YWHAG: variants seen among roughly 807,000 people sequenced by gnomAD.
YWHAG encodes 14-3-3 protein gamma.
In YWHAG, 1 loss-of-function variant was observed where a neutral mutation model predicts 23.3. That is an observed-to-expected ratio of 0.04 (90% CI 0.02 to 0.20). YWHAG has a LOEUF of 0.20. YWHAG is among the 10% of genes least tolerant of loss of function. YWHAG has a pLI of 1.00. For synonymous variants in YWHAG, 160 were observed against 144.0 expected (o/e 1.11, Z -0.80); for missense variants, 151 against 338.6 (o/e 0.45, Z 4.35).
Position 76,332,077 on chromosome 7 carries a change from C to T in YWHAG, c.88-1844G>A, listed in dbSNP as rs180907502. The stretch of plus-strand genomic sequence containing the variant: ...TTGTTAAAGTTAACATTTTCCTAGA[C>T]ATTACTGATGCTCTGTTTTAATGCT... On this transcript the variant is annotated intron_variant, in intron 1 of 1. Transcript: ENST00000307630. Among the ~76,000 whole-genome samples, 74 of 152,268 alleles carry T rather than the reference C, an allele frequency of 4.9e-4. No homozygotes were observed. In the East Asian group the frequency reaches 0.013, roughly 27 times the overall value.
At chr7:76,358,674 C>A in intron 1 of YWHAG, 48 bp downstream of exon 1, 1 of 1,521,402 alleles carries the variant, frequency 6.6e-7, no homozygotes, top group Non-Finnish European at 8.9e-7. Context: ...CCAAGGACCG[C>A]GTCTTCGGAG....
chr7:76,330,039 C>T lies in YWHAG; in HGVS notation c.282G>A (p.Glu94=). ...AYREKIEKEL[E]AVCQDVLSLL... is the part of the protein sequence containing the mutation. ...GGCTCAGCACATCCTGGCACACAGC[C>T]TCCAACTCCTTCTCTATCTTCTCCC... Residue 94 remains glutamate (E), a synonymous_variant, in exon 2 of 2, where the codon GAG becomes GAA. Transcript: ENST00000307630. 1 of 1,614,194 alleles carries T rather than the reference C, an allele frequency of 6.2e-7. No homozygotes were observed. Among genetic ancestry groups the T allele is most frequent in the Non-Finnish European group, 8.5e-7 (1 of 1,180,036 alleles).
chr7:76,353,788 G>T (rs962752468), intron 1 of YWHAG, among the ~76,000 whole-genome samples: 1 of 152,046 alleles, frequency 6.6e-6, no homozygotes, highest in Non-Finnish European at 1.5e-5. Flanking sequence ...TATAGACCGG[G>T]CTGGGTGTGG....
intron 1 of YWHAG, among the ~76,000 whole-genome samples, chr7:76,340,682 T>C (rs1311924166): frequency 6.6e-6 from 1 of 152,206 alleles, no homozygotes; most frequent in Admixed American, 6.5e-5. Context: ...CAGTAGTTCT[T>C]AACCAAGGAG....
At chr7:76,345,185 C>CA (rs1554617793) in intron 1 of YWHAG, among the ~76,000 whole-genome samples, 4 of 132,272 alleles carry the variant, frequency 3.0e-5, no homozygotes, top group African/African-American at 1.1e-4. Flanking sequence ...TATCCTAAGG[C>CA]TTTTTTTTTT....
At position 76,331,114 on chromosome 7, in the gene YWHAG, C is replaced by CATT. The variant is rs909921343; in HGVS notation, c.88-884_88-882dup. On this transcript the variant is annotated intron_variant, in intron 1 of 1. Coordinates refer to ENST00000307630, the MANE Select transcript of YWHAG (RefSeq NM_012479.4). ...CATTACTTGACAACCATATGAAATACATTATTATTATTATTATATTTGACA... is the reference window on the plus strand; with the variant it reads ...CATTACTTGACAACCATATGAAATACATTATTATTATTATTATTATATTTGACA... Among the ~76,000 whole-genome samples the CATT allele has an allele frequency of 8.0e-4, 122 of 152,052 alleles. 1 individual carries two copies. The highest frequency in any genetic ancestry group is 6.8e-3 in the Middle Eastern group (2 of 294).
intron 1 of YWHAG, among the ~76,000 whole-genome samples, chr7:76,342,766 A>G (rs1273961929): frequency 2.0e-5 from 3 of 152,126 alleles, no homozygotes; most frequent in Non-Finnish European, 2.9e-5. Context: ...TTTCTAATTA[A>G]TTACTAGTTT....
chr7:76,353,357 T>A (rs1044639825), intron 1 of YWHAG, among the ~76,000 whole-genome samples: 3 of 151,980 alleles, frequency 2.0e-5, no homozygotes, highest in African/African-American at 7.3e-5. Context: ...GGATTACAGG[T>A]GCATGCCACC....
At chr7:76,344,199 C>T (rs969438754) in intron 1 of YWHAG, among the ~76,000 whole-genome samples, 2 of 152,124 alleles carry the variant, frequency 1.3e-5, no homozygotes, top group Admixed American at 6.5e-5. Flanking sequence ...CAGCCTCCAC[C>T]TCCCAGGTCC....
At chr7:76,352,794 C>T (rs1016433722) in intron 1 of YWHAG, among the ~76,000 whole-genome samples, 1 of 152,008 alleles carries the variant, frequency 6.6e-6, no homozygotes, top group African/African-American at 2.4e-5. Flanking sequence ...GGATTACAGG[C>T]ATGCGCCACC....
intron 1 of YWHAG, among the ~76,000 whole-genome samples, chr7:76,333,773 A>C (rs1447332976): frequency 6.6e-6 from 1 of 152,256 alleles, no homozygotes; most frequent in Non-Finnish European, 1.5e-5. Context: ...TGCAGCCCTC[A>C]TGACTGCCTC....
intron 1 of YWHAG, among the ~76,000 whole-genome samples, chr7:76,342,550 G>C (rs1803713684): frequency 6.6e-6 from 1 of 152,070 alleles, no homozygotes; most frequent in Admixed American, 6.6e-5. Context: ...TTCTCTCTTG[G>C]GGGCCAGAAT....
chr7:76,353,898 G>A (rs917057027), intron 1 of YWHAG, among the ~76,000 whole-genome samples: 23 of 151,690 alleles, frequency 1.5e-4, no homozygotes, highest in African/African-American at 3.6e-4. Flanking sequence ...GCAACACCCC[G>A]TTCCTACAAA....
intron 1 of YWHAG, among the ~76,000 whole-genome samples, chr7:76,349,491 C>T (rs2115642934): frequency 6.6e-6 from 1 of 150,562 alleles, no homozygotes; most frequent in East Asian, 2.0e-4. Context: ...AAGAGAAAAC[C>T]AAGATCAAAA....
At position 76,351,785 on chromosome 7, in the gene YWHAG, C is replaced by T. The variant is rs896398463; in HGVS notation, c.87+6937G>A. Among the ~76,000 whole-genome samples, 26 of 152,290 alleles carry T rather than the reference C, an allele frequency of 1.7e-4. 1 individual carries two copies. In the South Asian group the frequency reaches 2.1e-3, roughly 12 times the overall value. On this transcript the variant is annotated intron_variant, in intron 1 of 1. Coordinates refer to ENST00000307630, the MANE Select transcript of YWHAG (RefSeq NM_012479.4). ...CAGGGCTCCCACTGATCCTACATTA[C>T]GGTGAGTTGTATAATTATTACATTA...
At chr7:76,354,454 T>C (rs1803921265) in intron 1 of YWHAG, among the ~76,000 whole-genome samples, 1 of 151,658 alleles carries the variant, frequency 6.6e-6, no homozygotes. Flanking sequence ...GAGGTTGCGG[T>C]GAGCCGAGAT....
intron 1 of YWHAG, among the ~76,000 whole-genome samples, chr7:76,335,965 CA>C (rs1803609859): frequency 1.3e-5 from 2 of 151,762 alleles, no homozygotes; most frequent in South Asian, 2.1e-4. Context: ...CCACACCCCC[CA>C]AAAAAAAGTT....
chr7:76,358,160 G>A (rs997604973), intron 1 of YWHAG, among the ~76,000 whole-genome samples: 2 of 152,198 alleles, frequency 1.3e-5, no homozygotes, highest in African/African-American at 2.4e-5. Flanking sequence ...ACGGAGCTCA[G>A]GTTTTCAAGA....
intron 1 of YWHAG, among the ~76,000 whole-genome samples, chr7:76,332,972 A>C (rs1803567148): frequency 6.6e-6 from 1 of 151,572 alleles, no homozygotes; most frequent in Non-Finnish European, 1.5e-5. Context: ...TGGCTGATTT[A>C]TTTATTTCTT....
Sources: allele counts gnomAD v4.1 joint callset (sites outside exome capture counted in the v4.1 genomes callset), GRCh38; gene constraint gnomAD v4.1.1; transcripts MANE v1.5; gene names NCBI Gene and HGNC (gene_info 2026-07-23, HGNC 2026-07-21).